Variants in NEGR1 observed in about 807,000 individuals in gnomAD.
NEGR1 encodes IgLON family member 4.
In NEGR1, 10 loss-of-function variants were observed where a neutral mutation model predicts 40.9. That is an observed-to-expected ratio of 0.24 (90% CI 0.15 to 0.42). The LOEUF (loss-of-function observed/expected upper bound fraction) is 0.42. NEGR1 is among the 10% of genes least tolerant of loss of function. The pLI is 1.00. For synonymous variants in NEGR1, 185 were observed against 166.8 expected (o/e 1.11, Z -0.84); for missense variants, 352 against 438.9 (o/e 0.80, Z 1.77).
chr1:72,132,987 C>CT (rs942618457), intron 1 of NEGR1, among the ~76,000 whole-genome samples: 1 of 151,942 alleles, frequency 6.6e-6, no homozygotes. Flanking sequence ...CTTTTAGCTT[C>CT]TTTTTTTCTG....
At chr1:71,531,380 A>T (rs1368797470) in intron 6 of NEGR1, among the ~76,000 whole-genome samples, 3 of 151,374 alleles carry the variant, frequency 2.0e-5, no homozygotes, top group Non-Finnish European at 4.4e-5. Context: ...GAACTTATCT[A>T]ATCTTTACGT....
chr1:72,158,019 G>A (rs766570330), intron 1 of NEGR1, among the ~76,000 whole-genome samples: 13 of 152,128 alleles, frequency 8.5e-5, no homozygotes, highest in Admixed American at 2.6e-4. Context: ...GGAAGATAGA[G>A]CCAGGGACTC....
intron 4 of NEGR1, among the ~76,000 whole-genome samples, chr1:71,655,282 T>C (rs377112864): frequency 2.0e-5 from 3 of 152,162 alleles, no homozygotes; most frequent in Non-Finnish European, 4.4e-5. Context: ...AGAAAAATGA[T>C]AGAATATTCC....
intron 1 of NEGR1, among the ~76,000 whole-genome samples, chr1:71,946,741 AT>A (rs1310746227): frequency 6.6e-6 from 1 of 151,010 alleles, no homozygotes; most frequent in African/African-American, 2.5e-5. Flanking sequence ...AAGTGAAAAA[AT>A]ATTCAAAAAT....
intron 1 of NEGR1, among the ~76,000 whole-genome samples, chr1:72,176,885 G>C (rs1652186313): frequency 6.6e-6 from 1 of 151,960 alleles, no homozygotes; most frequent in Non-Finnish European, 1.5e-5. Context: ...TACAAAATAG[G>C]AGCTGGATTT....
chr1:71,741,630 G>C (rs943749025), intron 3 of NEGR1, among the ~76,000 whole-genome samples: 1 of 152,126 alleles, frequency 6.6e-6, no homozygotes. Flanking sequence ...TGGTGGTAAG[G>C]CCTTTGAGAA....
intron 2 of NEGR1, among the ~76,000 whole-genome samples, chr1:71,854,744 G>C (rs1659709733): frequency 6.6e-6 from 1 of 151,990 alleles, no homozygotes; most frequent in African/African-American, 2.4e-5. Flanking sequence ...GAGCAAAGGG[G>C]GGAAAGTCCC....
chr1:71,988,052 C>T (rs1014907065), intron 1 of NEGR1, among the ~76,000 whole-genome samples: 3 of 152,226 alleles, frequency 2.0e-5, no homozygotes, highest in Non-Finnish European at 4.4e-5. Context: ...ATGAAGAGCA[C>T]GTACAGACAG....
chr1:72,156,114 G>A (rs1353118824), intron 1 of NEGR1, among the ~76,000 whole-genome samples: 1 of 138,580 alleles, frequency 7.2e-6, no homozygotes, highest in Admixed American at 6.8e-5. Context: ...CTGGAAGAAC[G>A]GTACTATATT....
At chr1:71,704,062 A>G (rs576024675) in intron 3 of NEGR1, among the ~76,000 whole-genome samples, 1 of 152,104 alleles carries the variant, frequency 6.6e-6, no homozygotes, top group African/African-American at 2.4e-5. Context: ...GAGATAAAAT[A>G]CACATTTTAC....
chr1:72,168,015 T>TC, intron 1 of NEGR1, among the ~76,000 whole-genome samples: 4 of 151,112 alleles, frequency 2.6e-5, no homozygotes, highest in Admixed American at 6.6e-5. Flanking sequence ...ATTTTTTTTT[T>TC]TTTTTCTGAG....
intron 1 of NEGR1, among the ~76,000 whole-genome samples, chr1:72,016,617 T>C (rs1468445494): frequency 6.6e-6 from 1 of 152,170 alleles, no homozygotes; most frequent in African/African-American, 2.4e-5. Flanking sequence ...TGCTGAGATC[T>C]TGCTTTCACG....
At chr1:71,854,188 T>C (rs1459360523) in intron 2 of NEGR1, among the ~76,000 whole-genome samples, 1 of 152,110 alleles carries the variant, frequency 6.6e-6, no homozygotes, top group African/African-American at 2.4e-5. Context: ...TCCTCTTCCA[T>C]CAAAATATTT....
At chr1:72,278,780 G>A (rs1252170674) in intron 1 of NEGR1, among the ~76,000 whole-genome samples, 3 of 151,894 alleles carry the variant, frequency 2.0e-5, no homozygotes, top group African/African-American at 4.8e-5. Context: ...AGATTAACAA[G>A]TTCTGTTAAG....
At chr1:71,583,779 C>T (rs1375460558) in intron 6 of NEGR1, among the ~76,000 whole-genome samples, 1 of 152,102 alleles carries the variant, frequency 6.6e-6, no homozygotes, top group Non-Finnish European at 1.5e-5. Context: ...TTTTAGAAAA[C>T]TTGGAATTCA....
intron 4 of NEGR1, among the ~76,000 whole-genome samples, chr1:71,663,253 G>A (rs916748376): frequency 1.3e-5 from 2 of 152,086 alleles, no homozygotes; most frequent in Non-Finnish European, 2.9e-5. Context: ...CACCATGACC[G>A]GCCATTTTTT....
chr1:71,686,060 C>A (rs1653026416), intron 4 of NEGR1, among the ~76,000 whole-genome samples: 1 of 151,572 alleles, frequency 6.6e-6, no homozygotes, highest in African/African-American at 2.4e-5. Flanking sequence ...CTATGACTCA[C>A]AAAATTTGCA....
At chr1:72,248,616 T>TA (rs1654985886) in intron 1 of NEGR1, among the ~76,000 whole-genome samples, 2 of 146,718 alleles carry the variant, frequency 1.4e-5, no homozygotes, top group African/African-American at 5.0e-5. Context: ...TTATTATTAT[T>TA]TTAGACAGAG....
intron 2 of NEGR1, among the ~76,000 whole-genome samples, chr1:71,815,656 T>C (rs1159197618): frequency 6.6e-6 from 1 of 152,076 alleles, no homozygotes; most frequent in African/African-American, 2.4e-5. Context: ...TTTACCATTA[T>C]GTATTACCCT....
Sources: allele counts gnomAD v4.1 joint callset (sites outside exome capture counted in the v4.1 genomes callset), GRCh38; gene constraint gnomAD v4.1.1; transcripts MANE v1.5; gene names NCBI Gene and HGNC (gene_info 2026-07-23, HGNC 2026-07-21).